The following PLXDC2 variants were observed in gnomAD, a reference collection of about 807,000 sequenced individuals.
The protein encoded by PLXDC2 is plexin domain-containing protein 2.
A neutral mutation model predicts 68.9 loss-of-function variants in PLXDC2; 40 were observed. The ratio of observed to expected loss-of-function variants is 0.58; its 90% CI spans 0.45 to 0.76. PLXDC2 has a LOEUF of 0.76. Ranked by LOEUF, PLXDC2 falls within the 30% of genes least tolerant of loss-of-function variation. The pLI is 0.00. For missense variants in PLXDC2, 644 were observed against 661.9 expected (o/e 0.97, Z 0.30); for synonymous variants, 243 against 234.2 (o/e 1.04, Z -0.34).
chr10:20,154,559 G>A (rs1437222322), intron 6 of PLXDC2, among the ~76,000 whole-genome samples: 1 of 89,382 alleles, frequency 1.1e-5, no homozygotes, highest in African/African-American at 4.8e-5. Flanking sequence ...AGGAGACTCT[G>A]TCTCAAAAAA....
intron 1 of PLXDC2, among the ~76,000 whole-genome samples, chr10:19,890,195 A>G (rs1035245622): frequency 2.0e-5 from 3 of 152,124 alleles, no homozygotes; most frequent in Admixed American, 6.6e-5. Context: ...GTCATGATAG[A>G]GAACTGCTTT....
chr10:19,836,962 T>G (rs999792120), intron 1 of PLXDC2, among the ~76,000 whole-genome samples: 2 of 152,332 alleles, frequency 1.3e-5, no homozygotes, highest in Admixed American at 6.5e-5. Flanking sequence ...CTAGCCTTTA[T>G]TTGTGTTTAA....
At chr10:19,867,164 C>T (rs1837436046) in intron 1 of PLXDC2, among the ~76,000 whole-genome samples, 1 of 147,962 alleles carries the variant, frequency 6.8e-6, no homozygotes, top group African/African-American at 2.5e-5. Context: ...CTCCTGAGTA[C>T]AAGCAATTCT....
chr10:20,252,173 A>T (rs1460975362), intron 13 of PLXDC2, among the ~76,000 whole-genome samples: 2 of 152,190 alleles, frequency 1.3e-5, no homozygotes, highest in Non-Finnish European at 2.9e-5. Flanking sequence ...TACCTTAAGG[A>T]TTGGAGAAAT....
Position 20,245,406 on chromosome 10 carries a change from T to G in PLXDC2, c.1374T>G (p.Ile458Met). 1 of 1,614,056 alleles carries G rather than the reference T, an allele frequency of 6.2e-7. No homozygotes were observed. Among genetic ancestry groups the G allele is most frequent in the Non-Finnish European group, 8.5e-7 (1 of 1,179,980 alleles). The change falls in exon 13 of 14, where the codon ATT becomes ATG. Residue 458 changes from isoleucine (I) to methionine (M), a missense_variant. Physicochemically the swap from Ile to Met is conservative, Grantham distance 10. Coordinates refer to ENST00000377252, the MANE Select transcript of PLXDC2 (RefSeq NM_032812.9). ...GAACCCTCCACGCTGGCCTCATCATTGGAATCCTCATCCTGGTCCTCATTG... is the reference window on the plus strand; with the variant it reads ...GAACCCTCCACGCTGGCCTCATCATGGGAATCCTCATCCTGGTCCTCATTG... ...KGGTLHAGLI[I>M]GILILVLIVA...
At chr10:20,033,321 C>A (rs61841774) in intron 2 of PLXDC2, among the ~76,000 whole-genome samples, 2,498 of 152,170 alleles carry the variant, frequency 0.016, 29 homozygotes, top group Non-Finnish European at 0.021. Context: ...AACCCTAATT[C>A]AATATTCTTG....
At chr10:19,908,551 CAGG>C (rs1833208898) in intron 1 of PLXDC2, among the ~76,000 whole-genome samples, 1 of 152,004 alleles carries the variant, frequency 6.6e-6, no homozygotes, top group Non-Finnish European at 1.5e-5. Context: ...GCTTGGAGCC[CAGG>C]AGATGTTAAC....
intron 1 of PLXDC2, among the ~76,000 whole-genome samples, chr10:19,995,955 T>G (rs34258854): frequency 6.6e-6 from 1 of 152,192 alleles, no homozygotes; most frequent in East Asian, 1.9e-4. Context: ...TATTAAATTC[T>G]GTGTGATGGG....
At chr10:20,110,613 G>T (rs528697998) in intron 4 of PLXDC2, among the ~76,000 whole-genome samples, 1 of 151,998 alleles carries the variant, frequency 6.6e-6, no homozygotes. Context: ...TCAGCAGCCT[G>T]CCCCCTGGCT....
chr10:20,212,315 G>A (rs1835079739), intron 10 of PLXDC2, among the ~76,000 whole-genome samples: 1 of 152,140 alleles, frequency 6.6e-6, no homozygotes, highest in Non-Finnish European at 1.5e-5. Context: ...ATGAGAAATT[G>A]TATAACATTA....
At chr10:20,106,695 C>T (rs1279887340) in intron 4 of PLXDC2, among the ~76,000 whole-genome samples, 7 of 152,096 alleles carry the variant, frequency 4.6e-5, no homozygotes, top group Admixed American at 4.6e-4. Context: ...CTTCACCTCT[C>T]TATTTTTTTC....
intron 6 of PLXDC2, among the ~76,000 whole-genome samples, chr10:20,162,067 AGAGAGAAGGAAG>A (rs1411577359): frequency 0.016 from 720 of 45,264 alleles, 2 homozygotes; most frequent in African/African-American, 0.033. Flanking sequence ...AGAGAGAGAG[AGAGAGAAGGAAG>A]GAAGGAAGGA....
chr10:20,038,771 T>C (rs939215499), intron 2 of PLXDC2, among the ~76,000 whole-genome samples: 2 of 152,154 alleles, frequency 1.3e-5, no homozygotes, highest in African/African-American at 4.8e-5. Flanking sequence ...ATTAAAAAAA[T>C]TAATGTGACT....
At position 20,283,411 on chromosome 10, in the gene PLXDC2, T is replaced by A. The variant is rs1458017095; in HGVS notation, c.*3592T>A. ...TTATGTTAATGTAACCCATATAAAG[T>A]ACGACTTTTGGTCGAGTACCAGCAC... On this transcript the variant is annotated 3_prime_UTR_variant, in exon 14 of 14. Coordinates refer to ENST00000377252, the MANE Select transcript of PLXDC2 (RefSeq NM_032812.9). The A allele has an allele frequency of 6.6e-6, 1 of 152,252 alleles. No individual in the cohort carries two copies. The highest frequency in any genetic ancestry group is 2.4e-5 in the African/African-American group (1 of 41,464). 9.4% of individuals were successfully genotyped at this position (152,252 alleles called of 1,614,324 possible). A position where few individuals can be genotyped will look rare whatever the true frequency, so the allele number is the denominator to read the frequency against.
rs566746393 is a variant in PLXDC2 at position 20,126,834 on chromosome 10, A to C, written c.542-16461A>C. Among the ~76,000 whole-genome samples the C allele has an allele frequency of 7.2e-5, 9 of 125,162 alleles. 1 individual carries two copies. The highest frequency in any genetic ancestry group is 2.0e-4 in the African/African-American group (7 of 35,404). The allele number at this position is 125,162 out of a possible 152,430, so 82.1% of individuals were successfully genotyped here. On this transcript the variant is annotated intron_variant, in intron 4 of 13. Coordinates refer to ENST00000377252, the MANE Select transcript of PLXDC2 (RefSeq NM_032812.9). The stretch of plus-strand genomic sequence containing the variant: ...ATATATAACATATATGTGTATATAT[A>C]ATATATGATATATACATATATGTTA...
chr10:19,989,131 A>G (rs1834702369), intron 1 of PLXDC2, among the ~76,000 whole-genome samples: 1 of 152,056 alleles, frequency 6.6e-6, no homozygotes, highest in African/African-American at 2.4e-5. Context: ...AACAATACAA[A>G]TCCAGTTTTC....
At chr10:19,817,267 C>G in intron 1 of PLXDC2, 76 bp downstream of exon 1, 2 of 1,202,984 alleles carry the variant, frequency 1.7e-6, no homozygotes. Context: ...GCTCCCTACC[C>G]TCTCCCCCCA....
chr10:19,983,121 GTAACCTCCA>G (rs1834579703), intron 1 of PLXDC2, among the ~76,000 whole-genome samples: 1 of 151,956 alleles, frequency 6.6e-6, no homozygotes, highest in South Asian at 2.1e-4. Flanking sequence ...ATCTCTGTAG[GTAACCTCCA>G]CTTAATCACT....
intron 9 of PLXDC2, among the ~76,000 whole-genome samples, chr10:20,182,101 GAA>G (rs1834613964): frequency 1.3e-5 from 2 of 151,036 alleles, no homozygotes; most frequent in African/African-American, 2.4e-5. Flanking sequence ...GTGTGTGTGT[GAA>G]TGAAGTTTAT....
Sources: allele counts gnomAD v4.1 joint callset (sites outside exome capture counted in the v4.1 genomes callset), GRCh38; gene constraint gnomAD v4.1.1; transcripts MANE v1.5; gene names NCBI Gene and HGNC (gene_info 2026-07-23, HGNC 2026-07-21).